The following VPS13B variants were observed in gnomAD, a reference collection of about 807,000 sequenced individuals.
The protein encoded by VPS13B is vacuolar protein sorting 13 homolog B, also known as intermembrane lipid transfer protein VPS13B.
A neutral mutation model predicts 426.4 loss-of-function variants in VPS13B; 285 were observed. The ratio of observed to expected loss-of-function variants is 0.67; its 90% CI spans 0.61 to 0.74. VPS13B has a LOEUF of 0.74. Among genes scored for constraint, VPS13B ranks in the 30% least tolerant of loss-of-function variants. VPS13B has a pLI of 0.00. For missense variants in VPS13B, 4,537 were observed against 4,782.6 expected, an observed-to-expected ratio of 0.95 and a Z score of 1.51; for synonymous variants, 1,676 against 1,676.4, an observed-to-expected ratio of 1.00 and a Z score of 0.01.
At chr8:99,753,593 A>G (rs1183748758) in intron 39 of VPS13B, among the ~76,000 whole-genome samples, 1 of 152,156 alleles carries the variant, frequency 6.6e-6, no homozygotes, top group African/African-American at 2.4e-5. Flanking sequence ...TATTTTCTTG[A>G]AAGATGTCAT....
At chr8:99,728,118 C>T (rs1016030180) in intron 39 of VPS13B, among the ~76,000 whole-genome samples, 2 of 152,138 alleles carry the variant, frequency 1.3e-5, no homozygotes, top group African/African-American at 4.8e-5. Flanking sequence ...CATAACTTGG[C>T]ATTTTGTTTA....
At chr8:99,319,619 C>T (rs1199977922) in intron 19 of VPS13B, among the ~76,000 whole-genome samples, 1 of 152,102 alleles carries the variant, frequency 6.6e-6, no homozygotes, top group Non-Finnish European at 1.5e-5. Context: ...ATTGTGACAA[C>T]CAGAAACACT....
At chr8:99,242,651 T>C (rs760352932) in intron 17 of VPS13B, among the ~76,000 whole-genome samples, 5 of 152,210 alleles carry the variant, frequency 3.3e-5, no homozygotes, top group African/African-American at 9.6e-5. Context: ...TTCACCTAAG[T>C]ATATCTAGAT....
At chr8:99,722,903 T>C (rs1416143027) in intron 39 of VPS13B, among the ~76,000 whole-genome samples, 1 of 152,228 alleles carries the variant, frequency 6.6e-6, no homozygotes, top group Non-Finnish European at 1.5e-5. Context: ...TAACTTCATG[T>C]AAGGGCTAAA....
At chr8:99,515,153 A>T (rs1821989212) in intron 29 of VPS13B, among the ~76,000 whole-genome samples, 1 of 152,224 alleles carries the variant, frequency 6.6e-6, no homozygotes, top group South Asian at 2.1e-4. Context: ...TATTTAAGAA[A>T]GAAGAGGAAA....
chr8:99,541,720 T>G (rs1037884664), intron 30 of VPS13B, among the ~76,000 whole-genome samples: 43 of 152,130 alleles, frequency 2.8e-4, no homozygotes, highest in African/African-American at 3.9e-4. Flanking sequence ...CATTCTAATT[T>G]TTCCTTAAGA....
intron 33 of VPS13B, among the ~76,000 whole-genome samples, chr8:99,612,565 A>G (rs1274510870): frequency 6.6e-6 from 1 of 152,054 alleles, no homozygotes; most frequent in Non-Finnish European, 1.5e-5. Flanking sequence ...TTCTTCAAAA[A>G]CCTTCATTGC....
chr8:99,273,077 A>G (rs1294537126), intron 17 of VPS13B, among the ~76,000 whole-genome samples: 1 of 152,136 alleles, frequency 6.6e-6, no homozygotes, highest in African/African-American at 2.4e-5. Context: ...TATTTTGGAT[A>G]AGGGATCCTC....
intron 21 of VPS13B, among the ~76,000 whole-genome samples, chr8:99,400,643 G>A (rs1213626525): frequency 6.6e-6 from 1 of 151,986 alleles, no homozygotes; most frequent in Non-Finnish European, 1.5e-5. Context: ...GTTTCAGTGG[G>A]TATAATATTG....
intron 33 of VPS13B, among the ~76,000 whole-genome samples, chr8:99,624,007 A>ATATATATATATATTT (rs1206203704): frequency 9.9e-6 from 1 of 101,122 alleles, no homozygotes; most frequent in African/African-American, 4.4e-5. Context: ...ATATATATAT[A>ATATATATATATATTT]TTTTTTTTTT....
chr8:99,868,690 C>T (rs1169550763), intron 59 of VPS13B, among the ~76,000 whole-genome samples: 1 of 152,180 alleles, frequency 6.6e-6, no homozygotes, highest in Non-Finnish European at 1.5e-5. Context: ...AATCTTTTTA[C>T]AGTACACTTG....
Position 99,070,589 on chromosome 8 carries a change from T to C in VPS13B, c.292-25723T>C, listed in dbSNP as rs568604819. 4.0e-3 allele frequency among the ~76,000 whole-genome samples: 610 copies of C among 152,262 alleles called. 1 individual carries two copies. Among genetic ancestry groups the C allele is most frequent in the Non-Finnish European group, 6.6e-3 (448 of 68,018 alleles). ...GTAAAAGTTAATTTTTTTCTCTTTG[T>C]TTTTTGTTTTTCTGATACTCCCCTT... On this transcript the variant is annotated intron_variant, in intron 3 of 61. Coordinates refer to ENST00000357162, the MANE Select transcript of VPS13B (RefSeq NM_152564.5).
intron 33 of VPS13B, among the ~76,000 whole-genome samples, chr8:99,635,241 A>G (rs1477790544): frequency 6.6e-6 from 1 of 152,034 alleles, no homozygotes; most frequent in East Asian, 1.9e-4. Flanking sequence ...ATACTACTAC[A>G]TTATAGCAAG....
At chr8:99,488,321 T>G (rs1409424420) in intron 25 of VPS13B, among the ~76,000 whole-genome samples, 1 of 152,088 alleles carries the variant, frequency 6.6e-6, no homozygotes. Context: ...ATTCGAGTAG[T>G]CTGTTTAGTT....
rs180750316 is a variant in VPS13B, at chr8:99,768,956, T to G, written c.7247+1986T>G. Among the ~76,000 whole-genome samples, 469 of 152,328 alleles carry G rather than the reference T, an allele frequency of 3.1e-3. 1 individual carries two copies. Among genetic ancestry groups the G allele is most frequent in the Non-Finnish European group, 4.4e-3 (298 of 68,014 alleles). On this transcript the variant is annotated intron_variant, in intron 40 of 61. Coordinates refer to ENST00000357162, the MANE Select transcript of VPS13B (RefSeq NM_152564.5). ...CAAGTTAGAAATGACTTCTTGATTC[T>G]AATTATGAAGTAATACATTTTCACC...
At chr8:99,874,026 G>C (rs546673462) in intron 61 of VPS13B, among the ~76,000 whole-genome samples, 2 of 152,212 alleles carry the variant, frequency 1.3e-5, no homozygotes, top group African/African-American at 4.8e-5. Flanking sequence ...TGGCAGGATT[G>C]AGATTTATTT....
intron 15 of VPS13B, among the ~76,000 whole-genome samples, chr8:99,160,592 A>G (rs1300050049): frequency 6.8e-6 from 1 of 146,758 alleles, no homozygotes; most frequent in African/African-American, 2.5e-5. Flanking sequence ...TCAAGGTTGC[A>G]GTGAGCTGTG....
In VPS13B at chr8:99,274,171, A is replaced by G. The variant is rs1235924746; in HGVS notation, c.2516-27A>G. 3.1e-6 allele frequency: 5 copies of G among 1,613,832 alleles called. No homozygotes were observed. In the South Asian group the frequency reaches 4.4e-5, roughly 14 times the overall value. ...AAAAATTATTTAAATTCAATCGGCTAGTACATTTGCAGTTTTCTTTTATTA... is the reference window on the plus strand; with the variant it reads ...AAAAATTATTTAAATTCAATCGGCTGGTACATTTGCAGTTTTCTTTTATTA... On this transcript the variant is annotated intron_variant, in intron 17 of 61. Transcript: ENST00000357162.
chr8:99,549,126 A>G (rs1824144101), intron 30 of VPS13B, among the ~76,000 whole-genome samples: 1 of 152,106 alleles, frequency 6.6e-6, no homozygotes, highest in Non-Finnish European at 1.5e-5. Flanking sequence ...ATGCAAGAAT[A>G]TTTTTATTTC....
Sources: allele counts gnomAD v4.1 joint callset (sites outside exome capture counted in the v4.1 genomes callset), GRCh38; gene constraint gnomAD v4.1.1; transcripts MANE v1.5; gene names NCBI Gene and HGNC (gene_info 2026-07-23, HGNC 2026-07-21).